NKAIN3: variants seen among roughly 807,000 people sequenced by gnomAD.
NKAIN3 encodes the protein sodium/potassium-transporting ATPase subunit beta-1-interacting protein 3.
A neutral mutation model predicts 30.2 loss-of-function variants in NKAIN3; 25 were observed. That is an observed-to-expected ratio of 0.83 (90% CI 0.60 to 1.16). The LOEUF is 1.16. NKAIN3 is among the 50% of genes most tolerant of loss of function. The pLI is 0.00. For missense variants in NKAIN3, 225 were observed against 254.1 expected (o/e 0.89, Z 0.78); for synonymous variants, 91 against 89.6 (o/e 1.02, Z -0.09).
At chr8:62,959,112 T>C (rs991582301) in intron 6 of NKAIN3, among the ~76,000 whole-genome samples, 5 of 152,218 alleles carry the variant, frequency 3.3e-5, no homozygotes, top group African/African-American at 4.8e-5. Flanking sequence ...AATTGCTACA[T>C]GCTAGGTGGC....
chr8:62,871,704 A>G (rs1052535574), intron 4 of NKAIN3, among the ~76,000 whole-genome samples: 1 of 152,230 alleles, frequency 6.6e-6, no homozygotes, highest in Non-Finnish European at 1.5e-5. Flanking sequence ...GGAGCAGGGC[A>G]TGGAACAGTT....
intron 3 of NKAIN3, among the ~76,000 whole-genome samples, chr8:62,673,350 C>T (rs1586075206): frequency 6.6e-6 from 1 of 152,034 alleles, no homozygotes; most frequent in East Asian, 1.9e-4. Flanking sequence ...CCCTATAAAG[C>T]AGAATGTACA....
intron 1 of NKAIN3, among the ~76,000 whole-genome samples, chr8:62,310,826 T>G (rs1205721114): frequency 6.7e-6 from 1 of 150,354 alleles, no homozygotes; most frequent in Non-Finnish European, 1.5e-5. Flanking sequence ...CTGCTGCAGA[T>G]TCTGCTGAGA....
chr8:62,980,153 T>C lies in NKAIN3; in HGVS notation c.*14746T>C, dbSNP rs2130923353. 1 of 152,336 alleles carries C rather than the reference T, an allele frequency of 6.6e-6. No homozygotes were observed. Among genetic ancestry groups the C allele is most frequent in the Middle Eastern group, 3.4e-3 (1 of 294 alleles). 9.4% of individuals were successfully genotyped at this position (152,336 alleles called of 1,614,324 possible). A position where few individuals can be genotyped will look rare whatever the true frequency, so the allele number is the denominator to read the frequency against. ...CACATGCCCTAGACAAGCCTCCTGATGATTTTTCATCAAACATGAAAATAG... is the reference window on the plus strand; with the variant it reads ...CACATGCCCTAGACAAGCCTCCTGACGATTTTTCATCAAACATGAAAATAG... On this transcript the variant is annotated 3_prime_UTR_variant, in exon 7 of 7. Transcript: ENST00000623646.
intron 4 of NKAIN3, among the ~76,000 whole-genome samples, chr8:62,837,692 T>A (rs1563586238): frequency 6.6e-6 from 1 of 152,166 alleles, no homozygotes; most frequent in Non-Finnish European, 1.5e-5. Flanking sequence ...AGATGCAATG[T>A]CAAATAATTT....
intron 4 of NKAIN3, among the ~76,000 whole-genome samples, chr8:62,893,139 T>A (rs1821340056): frequency 6.6e-6 from 1 of 152,172 alleles, no homozygotes; most frequent in African/African-American, 2.4e-5. Context: ...CCTACAAATT[T>A]GTGCATAAAA....
At position 62,321,742 on chromosome 8, in the gene NKAIN3, G is replaced by A. The variant is rs186614629; in HGVS notation, c.54+72615G>A. Among the ~76,000 whole-genome samples, 1,364 of 152,244 alleles carry A rather than the reference G, an allele frequency of 9.0e-3. 29 individuals are homozygous for A. Among genetic ancestry groups the A allele is most frequent in the African/African-American group, 0.031 (1,288 of 41,522 alleles). On this transcript the variant is annotated intron_variant, in intron 1 of 6. Transcript: ENST00000623646. Reference sequence around the variant, plus strand: ...TGTGAGGTGTCAGTCTGCCCCTACTGGGGGGTGCCTCCCAGTTAGGCTACT... The same window carrying A: ...TGTGAGGTGTCAGTCTGCCCCTACTAGGGGGTGCCTCCCAGTTAGGCTACT...
chr8:62,911,786 C>G (rs988761059), intron 4 of NKAIN3, among the ~76,000 whole-genome samples: 1 of 152,008 alleles, frequency 6.6e-6, no homozygotes, highest in African/African-American at 2.4e-5. Context: ...AAGAGGTATA[C>G]AAAGTAACAA....
intron 1 of NKAIN3, among the ~76,000 whole-genome samples, chr8:62,535,947 A>G (rs1404023698): frequency 6.6e-6 from 1 of 152,176 alleles, no homozygotes; most frequent in Non-Finnish European, 1.5e-5. Flanking sequence ...TACACCCAAC[A>G]TTGTAACAAA....
At chr8:62,259,262 T>C (rs989280280) in intron 1 of NKAIN3, among the ~76,000 whole-genome samples, 2 of 152,206 alleles carry the variant, frequency 1.3e-5, no homozygotes, top group Non-Finnish European at 2.9e-5. Context: ...GATTTTCTTA[T>C]AATACTTTCT....
At chr8:62,297,270 T>C (rs1813862757) in intron 1 of NKAIN3, among the ~76,000 whole-genome samples, 1 of 152,178 alleles carries the variant, frequency 6.6e-6, no homozygotes, top group South Asian at 2.1e-4. Flanking sequence ...GGGCAAGCAC[T>C]TCATGTCTAA....
chr8:62,546,537 T>C (rs1809022321), intron 1 of NKAIN3, among the ~76,000 whole-genome samples: 1 of 152,178 alleles, frequency 6.6e-6, no homozygotes, highest in Non-Finnish European at 1.5e-5. Flanking sequence ...GGTCCAGTTA[T>C]AGCAGTAATT....
chr8:62,641,760 G>A (rs542501821), intron 3 of NKAIN3, among the ~76,000 whole-genome samples: 25 of 152,266 alleles, frequency 1.6e-4, no homozygotes, highest in Non-Finnish European at 2.9e-4. Context: ...ATTTTCAAGA[G>A]AATGTGTGTG....
intron 1 of NKAIN3, among the ~76,000 whole-genome samples, chr8:62,291,453 G>A (rs1276786741): frequency 2.0e-5 from 3 of 152,070 alleles, no homozygotes; most frequent in African/African-American, 4.8e-5. Context: ...GTTTTCATTG[G>A]TTTCAAAGAA....
chr8:62,289,315 C>T (rs1477920315), intron 1 of NKAIN3, among the ~76,000 whole-genome samples: 1 of 152,164 alleles, frequency 6.6e-6, no homozygotes, highest in African/African-American at 2.4e-5. Context: ...GAAGTCCTTG[C>T]CCATGCCTAT....
intron 4 of NKAIN3, among the ~76,000 whole-genome samples, chr8:62,902,724 A>C (rs1308370153): frequency 1.2e-4 from 18 of 152,222 alleles, no homozygotes; most frequent in Non-Finnish European, 2.4e-4. Flanking sequence ...ATTTTTCTTC[A>C]AATGACCTCA....
intron 3 of NKAIN3, among the ~76,000 whole-genome samples, chr8:62,696,118 T>G (rs1451194238): frequency 2.0e-5 from 3 of 152,164 alleles, no homozygotes; most frequent in East Asian, 1.9e-4. Context: ...ATGGCCTCTG[T>G]TAATTTTCAC....
At chr8:62,763,581 A>C (rs768998986) in intron 4 of NKAIN3, among the ~76,000 whole-genome samples, 1 of 152,260 alleles carries the variant, frequency 6.6e-6, no homozygotes, top group Non-Finnish European at 1.5e-5. Context: ...CCTGCAGACA[A>C]TGAAACGTGA....
At chr8:62,756,662 T>A (rs1413197001) in intron 4 of NKAIN3, among the ~76,000 whole-genome samples, 1 of 152,196 alleles carries the variant, frequency 6.6e-6, no homozygotes, top group African/African-American at 2.4e-5. Flanking sequence ...ATGCCTGGTC[T>A]TATATAAATC....
Sources: allele counts gnomAD v4.1 joint callset (sites outside exome capture counted in the v4.1 genomes callset), GRCh38; gene constraint gnomAD v4.1.1; transcripts MANE v1.5; gene names NCBI Gene and HGNC (gene_info 2026-07-23, HGNC 2026-07-21).